The following TACR1 variants were observed in gnomAD, a reference collection of about 807,000 sequenced individuals.
TACR1 encodes substance-P receptor.
In TACR1, 25 loss-of-function variants were observed where a neutral mutation model predicts 35.8. That is an observed-to-expected ratio of 0.70 (90% confidence interval 0.51 to 0.98). TACR1 has a LOEUF of 0.98. Ranked by LOEUF, TACR1 falls within the 50% of genes least tolerant of loss-of-function variation. The pLI is 0.00. For synonymous variants in TACR1, 195 were observed against 206.7 expected (o/e 0.94, Z 0.48); for missense variants, 478 against 522.9 (o/e 0.91, Z 0.84).
Position 75,120,677 on chromosome 2 carries a change from G to C in TACR1, c.481C>G (p.Leu161Val). The change falls in exon 2 of 5, where the codon CTG (leucine) becomes GTG (valine). Residue 161 changes from leucine (L) to valine (V), a missense_variant. Transcript: ENST00000305249. ...GAGTAGTAGCCCTGGGGGAAGGCCA[G>C]CAGGAGAGCCAGGACCCAGATGACA... ...ICVIWVLALL[L>V]AFPQGYYSTT... 6.2e-7 allele frequency: 1 copy of C among 1,614,114 alleles called. No individual in the cohort carries two copies. Among genetic ancestry groups the C allele is most frequent in the Non-Finnish European group, 8.5e-7 (1 of 1,180,000 alleles).
At chr2:75,149,775 T>C (rs1483916456) in intron 1 of TACR1, among the ~76,000 whole-genome samples, 3 of 152,198 alleles carry the variant, frequency 2.0e-5, no homozygotes, top group Admixed American at 1.3e-4. Context: ...TTCAATACTA[T>C]GTTGAATAGG....
At chr2:75,109,525 T>C (rs950602808) in intron 2 of TACR1, among the ~76,000 whole-genome samples, 2 of 152,182 alleles carry the variant, frequency 1.3e-5, no homozygotes, top group Admixed American at 1.3e-4. Flanking sequence ...GAAAAGTAAA[T>C]GTCTCTTTGT....
At chr2:75,195,572 TTC>T (rs1320135358) in intron 1 of TACR1, among the ~76,000 whole-genome samples, 1 of 152,242 alleles carries the variant, frequency 6.6e-6, no homozygotes, top group Non-Finnish European at 1.5e-5. Context: ...GACTCAACAA[TTC>T]CTTTAAAAAT....
intron 2 of TACR1, among the ~76,000 whole-genome samples, chr2:75,074,253 G>T (rs1558543898): frequency 6.6e-6 from 1 of 152,176 alleles, no homozygotes; most frequent in Non-Finnish European, 1.5e-5. Flanking sequence ...CAAGTGGCAA[G>T]TGTTGGCTGT....
chr2:75,052,820 G>T (rs1255163182), intron 3 of TACR1, among the ~76,000 whole-genome samples: 3 of 151,796 alleles, frequency 2.0e-5, no homozygotes, highest in African/African-American at 7.3e-5. Context: ...GATCTAGAAG[G>T]GAGAGAGGCT....
chr2:75,199,186 A>C lies in TACR1; in HGVS notation c.-252T>G. The C allele has an allele frequency of 4.1e-6, 2 of 488,342 alleles. No individual in the cohort carries two copies. Among genetic ancestry groups the C allele is most frequent in the Non-Finnish European group, 7.3e-6 (2 of 272,594 alleles). The allele number at this position is 488,342 out of a possible 1,614,324, so 30.3% of individuals were successfully genotyped here. A position where few individuals can be genotyped will look rare whatever the true frequency, so the allele number is the denominator to read the frequency against. On this transcript the variant is annotated 5_prime_UTR_variant, in exon 1 of 5. Transcript: ENST00000305249. Reference sequence around the variant, plus strand: ...GCTTCAGGAGACGTTTGAGTTCAGAAGTCTGGAGACAGCATCTCTCTTGCG... The same window carrying C: ...GCTTCAGGAGACGTTTGAGTTCAGACGTCTGGAGACAGCATCTCTCTTGCG...
chr2:75,092,930 T>C (rs1424716701), intron 2 of TACR1, among the ~76,000 whole-genome samples: 2 of 152,152 alleles, frequency 1.3e-5, no homozygotes, highest in Admixed American at 1.3e-4. Flanking sequence ...GCTATCAAAA[T>C]AAGAAAATTC....
chr2:75,183,408 T>C (rs1030140486), intron 1 of TACR1, among the ~76,000 whole-genome samples: 3 of 152,196 alleles, frequency 2.0e-5, no homozygotes, highest in African/African-American at 7.2e-5. Flanking sequence ...AAAAGGTTAA[T>C]TATTGAGATC....
chr2:75,125,649 A>G (rs1244461423), intron 1 of TACR1, among the ~76,000 whole-genome samples: 1 of 152,204 alleles, frequency 6.6e-6, no homozygotes, highest in African/African-American at 2.4e-5. Flanking sequence ...AGTGAAAATA[A>G]GTGTAAAAGG....
intron 1 of TACR1, among the ~76,000 whole-genome samples, chr2:75,167,217 T>A (rs930019816): frequency 6.6e-6 from 1 of 152,244 alleles, no homozygotes; most frequent in Non-Finnish European, 1.5e-5. Flanking sequence ...TATCCCCCAA[T>A]GTTTTTATAT....
intron 2 of TACR1, among the ~76,000 whole-genome samples, chr2:75,119,692 A>G (rs1673927620): frequency 6.6e-6 from 1 of 152,224 alleles, no homozygotes; most frequent in African/African-American, 2.4e-5. Flanking sequence ...CTGCCCTGTC[A>G]GGGACCTGTA....
chr2:75,164,440 C>T (rs1675090512), intron 1 of TACR1, among the ~76,000 whole-genome samples: 1 of 151,564 alleles, frequency 6.6e-6, no homozygotes, highest in South Asian at 2.1e-4. Flanking sequence ...AAGACATTAT[C>T]TAAAAAGGTA....
chr2:75,075,267 A>G (rs1672956781), intron 2 of TACR1, among the ~76,000 whole-genome samples: 1 of 152,220 alleles, frequency 6.6e-6, no homozygotes, highest in Admixed American at 6.5e-5. Context: ...GTCTGACAAT[A>G]CCAGGTGTTG....
chr2:75,153,841 C>T (rs1165579887), intron 1 of TACR1, among the ~76,000 whole-genome samples: 1 of 152,210 alleles, frequency 6.6e-6, no homozygotes. Flanking sequence ...TCTTCCTATT[C>T]AAGCTAATTC....
At chr2:75,088,397 G>C (rs1012586704) in intron 2 of TACR1, among the ~76,000 whole-genome samples, 15 of 152,272 alleles carry the variant, frequency 9.9e-5, no homozygotes, top group African/African-American at 3.4e-4. Context: ...ATGAGGGCCT[G>C]AACTTTTCTA....
At chr2:75,127,557 A>G (rs1460817671) in intron 1 of TACR1, among the ~76,000 whole-genome samples, 1 of 152,186 alleles carries the variant, frequency 6.6e-6, no homozygotes, top group Admixed American at 6.5e-5. Flanking sequence ...ACCATAAAAA[A>G]TGGGTGCAAA....
intron 1 of TACR1, among the ~76,000 whole-genome samples, chr2:75,173,050 T>C (rs957842989): frequency 6.6e-6 from 1 of 152,180 alleles, no homozygotes; most frequent in Non-Finnish European, 1.5e-5. Context: ...CACTGGGGAT[T>C]AGAACTTCAA....
chr2:75,144,055 A>G (rs1674459588), intron 1 of TACR1, among the ~76,000 whole-genome samples: 1 of 152,186 alleles, frequency 6.6e-6, no homozygotes, highest in South Asian at 2.1e-4. Context: ...TTCCTTGGTA[A>G]TTATTTTCCT....
chr2:75,181,934 C>T (rs952961097), intron 1 of TACR1, among the ~76,000 whole-genome samples: 1 of 152,214 alleles, frequency 6.6e-6, no homozygotes, highest in African/African-American at 2.4e-5. Context: ...GTCTGTTTAT[C>T]AAGCGCTCAA....
Sources: allele counts gnomAD v4.1 joint callset (sites outside exome capture counted in the v4.1 genomes callset), GRCh38; gene constraint gnomAD v4.1.1; transcripts MANE v1.5; gene names NCBI Gene and HGNC (gene_info 2026-07-23, HGNC 2026-07-21).